The following ENTHD1 variants were observed in gnomAD, a reference collection of about 807,000 sequenced individuals.
ENTHD1 encodes the protein ENTH domain containing 1.
In ENTHD1, 23 loss-of-function variants were observed where a neutral mutation model predicts 39.1. The observed-to-expected ratio is 0.59, with a 90% CI of 0.42 to 0.83. The LOEUF (loss-of-function observed/expected upper bound fraction) is 0.83. ENTHD1 is among the 40% of genes least tolerant of loss of function. The pLI is 0.00. For missense variants in ENTHD1, 624 were observed against 705.4 expected (o/e 0.88, Z 1.31); for synonymous variants, 230 against 258.2 (o/e 0.89, Z 1.05).
chr22:39,747,977 G>C (rs7289583), intron 6 of ENTHD1, among the ~76,000 whole-genome samples: 4,335 of 152,134 alleles, frequency 0.028, 90 homozygotes, highest in East Asian at 0.063. Flanking sequence ...GGCTGGGCAT[G>C]GTGGCTCACA....
At chr22:39,865,182 C>A (rs1351047169) in intron 2 of ENTHD1, among the ~76,000 whole-genome samples, 1 of 152,058 alleles carries the variant, frequency 6.6e-6, no homozygotes, top group African/African-American at 2.4e-5. Context: ...AAGAGACAAG[C>A]AATTACACCA....
At chr22:39,825,829 T>C (rs993040422) in intron 4 of ENTHD1, among the ~76,000 whole-genome samples, 3 of 152,234 alleles carry the variant, frequency 2.0e-5, no homozygotes, top group African/African-American at 4.8e-5. Flanking sequence ...CCTCTGTGCT[T>C]TATTCATTCC....
In ENTHD1 at chr22:39,788,407, A is replaced by C. The variant is rs185408788; in HGVS notation, c.833-22798T>G. Among the ~76,000 whole-genome samples, 32 of 152,318 alleles carry C rather than the reference A, an allele frequency of 2.1e-4. No homozygotes were observed. The East Asian group carries it at 5.6e-3, about 27-fold the overall frequency. On this transcript the variant is annotated intron_variant, in intron 5 of 6. Coordinates refer to ENST00000325157, the MANE Select transcript of ENTHD1 (RefSeq NM_152512.4). ...TGGTGGAAATAGCAAGAGAACTAGA[A>C]TTAAAAGTGGAGCCTGAAGATGTGA...
chr22:39,827,385 A>G (rs1601622552), intron 4 of ENTHD1, among the ~76,000 whole-genome samples: 1 of 152,288 alleles, frequency 6.6e-6, no homozygotes, highest in Middle Eastern at 3.4e-3. Flanking sequence ...AAAGATTTCT[A>G]TAAAGCAAAA....
intron 6 of ENTHD1, among the ~76,000 whole-genome samples, chr22:39,761,498 T>C (rs2065232396): frequency 6.6e-6 from 1 of 152,202 alleles, no homozygotes; most frequent in African/African-American, 2.4e-5. Flanking sequence ...GTTTGAGCAT[T>C]GTCTCTTCAA....
chr22:39,875,275 C>G (rs1317709014), intron 2 of ENTHD1: 1 of 1,227,976 alleles, frequency 8.1e-7, no homozygotes, highest in Admixed American at 4.3e-5. Context: ...TGCAACAAAT[C>G]TATACAGTTA....
At chr22:39,891,447 T>A (rs1401912796) in intron 1 of ENTHD1, among the ~76,000 whole-genome samples, 2 of 151,904 alleles carry the variant, frequency 1.3e-5, no homozygotes, top group African/African-American at 4.8e-5. Context: ...AAACCTGCAC[T>A]GATTCTATAG....
chr22:39,794,100 G>A (rs2146605425), intron 5 of ENTHD1, among the ~76,000 whole-genome samples: 1 of 152,206 alleles, frequency 6.6e-6, no homozygotes, highest in African/African-American at 2.4e-5. Context: ...AGCGTTGGAT[G>A]TCTTTCCATT....
At chr22:39,868,673 A>C (rs2066210682) in intron 2 of ENTHD1, among the ~76,000 whole-genome samples, 1 of 152,218 alleles carries the variant, frequency 6.6e-6, no homozygotes, top group Non-Finnish European at 1.5e-5. Context: ...AGAAACTATC[A>C]GTGTAAAGAG....
chr22:39,850,903 A>T (rs2031616808), intron 3 of ENTHD1, among the ~76,000 whole-genome samples: 1 of 152,170 alleles, frequency 6.6e-6, no homozygotes, highest in South Asian at 2.1e-4. Context: ...TTTATTATAC[A>T]TACGTATCTA....
Position 39,835,881 on chromosome 22 carries a change from C to T in ENTHD1, c.670G>A (p.Glu224Lys). 6.2e-7 allele frequency: 1 copy of T among 1,609,262 alleles called. No individual in the cohort carries two copies. Among genetic ancestry groups the T allele is most frequent in the African/African-American group, 1.3e-5 (1 of 74,820 alleles). The change falls in exon 4 of 7, where the codon GAA becomes AAA. Residue 224 changes from glutamate to lysine, a missense_variant. Glu to Lys is a moderately conservative substitution (Grantham distance 56). Coordinates refer to ENST00000325157, the MANE Select transcript of ENTHD1 (RefSeq NM_152512.4). ...HLPTETMLSQ[E>K]TLPLKIHGWK... Reference sequence around the variant, plus strand: ...CCATGAATCTTGAGTGGAAGTGTTTCCTGGGACAACATAGTTTCTGTAGGC... The same window carrying T: ...CCATGAATCTTGAGTGGAAGTGTTTTCTGGGACAACATAGTTTCTGTAGGC...
intron 5 of ENTHD1, among the ~76,000 whole-genome samples, chr22:39,808,252 G>C (rs1012982809): frequency 1.3e-5 from 2 of 152,060 alleles, no homozygotes; most frequent in Non-Finnish European, 2.9e-5. Context: ...GCCCCCTGCT[G>C]TCCTAAGGCA....
chr22:39,786,545 C>A (rs963045643), intron 5 of ENTHD1, among the ~76,000 whole-genome samples: 14 of 152,178 alleles, frequency 9.2e-5, no homozygotes, highest in African/African-American at 2.9e-4. Flanking sequence ...TTCTCTTAAT[C>A]TGACTTCCAT....
At chr22:39,885,188 T>C (rs1206720915) in intron 2 of ENTHD1, among the ~76,000 whole-genome samples, 16 of 152,328 alleles carry the variant, frequency 1.1e-4, no homozygotes, top group African/African-American at 3.8e-4. Flanking sequence ...GGCAAAGGAT[T>C]GGAATAGATG....
chr22:39,783,919 A>C (rs1482754889), intron 5 of ENTHD1, among the ~76,000 whole-genome samples: 1 of 152,200 alleles, frequency 6.6e-6, no homozygotes, highest in Non-Finnish European at 1.5e-5. Context: ...CAAGCTAAAA[A>C]GCTTCTGCAC....
intron 3 of ENTHD1, among the ~76,000 whole-genome samples, chr22:39,849,823 T>C (rs1278958317): frequency 2.0e-5 from 3 of 152,222 alleles, no homozygotes; most frequent in Non-Finnish European, 4.4e-5. Context: ...TCCTATCGTT[T>C]ACAAATGATG....
intron 5 of ENTHD1, among the ~76,000 whole-genome samples, chr22:39,818,643 T>A (rs1014652714): frequency 6.6e-6 from 1 of 152,152 alleles, no homozygotes; most frequent in Non-Finnish European, 1.5e-5. Context: ...GTTGAAAGCT[T>A]TTAAGCTGGG....
intron 6 of ENTHD1, among the ~76,000 whole-genome samples, chr22:39,748,110 A>G (rs866471175): frequency 6.6e-6 from 1 of 152,068 alleles, no homozygotes; most frequent in Non-Finnish European, 1.5e-5. Context: ...TTAGTTGGGC[A>G]TGGTGGTGTG....
intron 3 of ENTHD1, among the ~76,000 whole-genome samples, chr22:39,840,728 A>G (rs1035457457): frequency 6.6e-6 from 1 of 151,990 alleles, no homozygotes; most frequent in Non-Finnish European, 1.5e-5. Context: ...CCTTGACTCC[A>G]ATTTCGTTGT....
Sources: allele counts gnomAD v4.1 joint callset (sites outside exome capture counted in the v4.1 genomes callset), GRCh38; gene constraint gnomAD v4.1.1; transcripts MANE v1.5; gene names NCBI Gene and HGNC (gene_info 2026-07-23, HGNC 2026-07-21).